The following PROX1 variants were observed in gnomAD, a reference collection of about 807,000 sequenced individuals.
PROX1 encodes the protein prospero homeobox protein 1.
A neutral mutation model predicts 58.8 loss-of-function variants in PROX1; 7 were observed. The observed-to-expected ratio is 0.12, with a 90% CI of 0.07 to 0.22. The LOEUF is 0.22. PROX1 is among the 10% of genes least tolerant of loss of function. PROX1 has a pLI of 1.00. For missense variants in PROX1, 675 were observed against 927.8 expected (o/e 0.73, Z 3.54); for synonymous variants, 350 against 358.3 (o/e 0.98, Z 0.26).
intron 1 of PROX1, chr1:213,989,871 C>G (rs1226508902): frequency 6.6e-6 from 1 of 152,274 alleles, no homozygotes; most frequent in African/African-American, 2.4e-5. Flanking sequence ...GAGAACAGAA[C>G]TAGAAGGAGG....
At chr1:213,989,107 C>CT (rs1480659110) in intron 1 of PROX1, among the ~76,000 whole-genome samples, 1 of 152,066 alleles carries the variant, frequency 6.6e-6, no homozygotes, top group Admixed American at 6.6e-5. Flanking sequence ...TTCACTTCTC[C>CT]TTTTTTAACC....
At chr1:214,032,168 C>G (rs1461651439) in intron 4 of PROX1, among the ~76,000 whole-genome samples, 1 of 152,150 alleles carries the variant, frequency 6.6e-6, no homozygotes, top group Non-Finnish European at 1.5e-5. Flanking sequence ...AGAGGCACAG[C>G]TTTTCAAGGT....
rs149291171 is a variant in PROX1, at chr1:214,017,584, G to A, written c.2028+5869G>A. On this transcript the variant is annotated intron_variant, in intron 4 of 4. Transcript: ENST00000366958. Reference sequence around the variant, plus strand: ...TCTCTCTTTAAAAAAAAAAAAAATCGTCCTTGTGTTTTGTGTATGGATGAG... The same window carrying A: ...TCTCTCTTTAAAAAAAAAAAAAATCATCCTTGTGTTTTGTGTATGGATGAG... Among the ~76,000 whole-genome samples, 1,047 of 148,632 alleles carry A rather than the reference G, an allele frequency of 7.0e-3. 16 individuals carry two copies. The highest frequency in any genetic ancestry group is 0.025 in the African/African-American group (992 of 40,084).
At chr1:214,002,405 C>CTTTTTTCTTTTTTTTTTTTTTTTTTT (rs1663551505) in intron 2 of PROX1, among the ~76,000 whole-genome samples, 1 of 121,536 alleles carries the variant, frequency 8.2e-6, no homozygotes, top group Non-Finnish European at 1.7e-5. Context: ...TTTTTTTTTT[C>CTTTTTTCTTTTTTTTTTTTTTTTTTT]TTTTTTCTTT....
chr1:214,025,999 C>A (rs1311442884), intron 4 of PROX1, among the ~76,000 whole-genome samples: 3 of 152,172 alleles, frequency 2.0e-5, no homozygotes, highest in Non-Finnish European at 2.9e-5. Context: ...CTTGGTCCAG[C>A]TCTTACCTGA....
intron 4 of PROX1, among the ~76,000 whole-genome samples, chr1:214,033,846 A>G (rs773487893): frequency 2.0e-5 from 3 of 152,186 alleles, no homozygotes; most frequent in Non-Finnish European, 4.4e-5. Context: ...CTCTCCTCCA[A>G]CAAATACTCA....
At chr1:214,032,238 C>T (rs1158177319) in intron 4 of PROX1, among the ~76,000 whole-genome samples, 1 of 152,148 alleles carries the variant, frequency 6.6e-6, no homozygotes, top group South Asian at 2.1e-4. Context: ...GAGCCAGCAT[C>T]GTTTAATGCA....
Position 214,031,066 on chromosome 1 carries a change from T to TGTGTGTGTGC in PROX1, c.2029-4582_2029-4581insTGTGTGTGCG, listed in dbSNP as rs1231686198. Among the ~76,000 whole-genome samples, 575 of 95,118 alleles carry TGTGTGTGTGC rather than the reference T, an allele frequency of 6.0e-3. 4 individuals carry two copies. Among genetic ancestry groups the TGTGTGTGTGC allele is most frequent in the African/African-American group, 0.017 (520 of 31,270 alleles). 62.4% of individuals were successfully genotyped at this position (95,118 alleles called of 152,430 possible). On this transcript the variant is annotated intron_variant, in intron 4 of 4. Transcript: ENST00000366958. Reference sequence around the variant, plus strand: ...GTGTGTGTGTGTGTGTGTGTGTGTGTGCGCGCGCGCGCATTCGCGCACGCA... The same window carrying TGTGTGTGTGC: ...GTGTGTGTGTGTGTGTGTGTGTGTGTGTGTGTGTGCGCGCGCGCGCGCATTCGCGCACGCA...
rs1663341347 is a variant in PROX1, at chr1:213,997,938, C to T, written c.1403C>T (p.Pro468Leu). The change falls in exon 2 of 5, where the codon CCT (proline) becomes CTT (leucine). Residue 468 changes from proline to leucine, a missense_variant. By Grantham distance (98) the Pro-to-Leu change is moderately conservative. Around this residue, in one of 8 missense-constraint regions of PROX1, gnomAD observed 403 missense variants for 477.4 expected, o/e 0.84. Coordinates refer to ENST00000366958, the MANE Select transcript of PROX1 (RefSeq NM_001270616.2). The surrounding 1 kb of genome is among the most constrained non-coding windows in gnomAD (Gnocchi z 7.1). ...CACCACCAGCCCCTGCACCAGTCGC[C>T]TCTCTCTGCCACCACGGGCTTCACC... Reference protein sequence around the residue: ...GGHHQPLHQSPLSATTGFTTS... With the variant: ...GGHHQPLHQSLLSATTGFTTS... The T allele has an allele frequency of 6.2e-7, 1 of 1,613,810 alleles. No homozygotes were observed. Among genetic ancestry groups the T allele is most frequent in the Non-Finnish European group, 8.5e-7 (1 of 1,179,906 alleles).
intron 4 of PROX1, among the ~76,000 whole-genome samples, chr1:214,019,123 G>A (rs957254028): frequency 2.0e-5 from 3 of 152,172 alleles, no homozygotes; most frequent in Non-Finnish European, 4.4e-5. Context: ...GCCACTGGCA[G>A]GTGACAAGGC....
intron 4 of PROX1, chr1:214,029,302 T>A (rs1265659684): frequency 6.6e-6 from 1 of 152,198 alleles, no homozygotes; most frequent in Non-Finnish European, 1.5e-5. Context: ...GAAAAATACC[T>A]CGCTATGTAT....
chr1:213,997,117 C>G lies in PROX1; in HGVS notation c.582C>G (p.Ala194=). ...LRGNENEREM[A]PQSVSPRESY... ...GCAATGAAAATGAAAGAGAGATGGC[C>G]CCGCAGTCTGTGAGTCCCCGAGAAA... The change falls in exon 2 of 5, where the codon GCC becomes GCG. Residue 194 remains alanine (A), a synonymous_variant. Coordinates refer to ENST00000366958, the MANE Select transcript of PROX1 (RefSeq NM_001270616.2). This position sits in a 1 kb window ranked among gnomAD's most constrained non-coding sequence, Gnocchi z 7.1. The G allele has an allele frequency of 6.2e-7, 1 of 1,613,664 alleles. No homozygotes were observed. The highest frequency in any genetic ancestry group is 8.5e-7 in the Non-Finnish European group (1 of 1,179,870).
At chr1:214,023,578 GT>G (rs1255049833) in intron 4 of PROX1, among the ~76,000 whole-genome samples, 1 of 152,100 alleles carries the variant, frequency 6.6e-6, no homozygotes, top group Non-Finnish European at 1.5e-5. Context: ...ACTTGGTAGT[GT>G]TTGCAAAAGC....
chr1:214,003,554 A>T (rs1454115055), intron 2 of PROX1, among the ~76,000 whole-genome samples: 1 of 152,242 alleles, frequency 6.6e-6, no homozygotes, highest in African/African-American at 2.4e-5. Context: ...GATCTCAAAC[A>T]AAAACACAAG....
chr1:214,010,409 T>G (rs1419629278), intron 3 of PROX1, among the ~76,000 whole-genome samples: 1 of 152,202 alleles, frequency 6.6e-6, no homozygotes, highest in Non-Finnish European at 1.5e-5. Flanking sequence ...AATACACACT[T>G]TAGCTGTCAT....
Position 214,038,647 on chromosome 1 carries a change from G to A in PROX1, c.*2813G>A, listed in dbSNP as rs1409245828. On this transcript the variant is annotated 3_prime_UTR_variant, in exon 5 of 5. Transcript: ENST00000366958. Reference sequence around the variant, plus strand: ...CCTAGACCTAAAATGCACCAGCGGGGGGGATTTTAAAAAATCCTTCAAAAT... The same window carrying A: ...CCTAGACCTAAAATGCACCAGCGGGAGGGATTTTAAAAAATCCTTCAAAAT... 6.6e-6 allele frequency: 1 copy of A among 152,118 alleles called. No homozygotes were observed. Among genetic ancestry groups the A allele is most frequent in the Non-Finnish European group, 1.5e-5 (1 of 68,004 alleles). The allele number at this position is 152,118 out of a possible 1,614,324, so 9.4% of individuals were successfully genotyped here. A position where few individuals can be genotyped will look rare whatever the true frequency, so the allele number is the denominator to read the frequency against.
rs563315328 is a variant in PROX1 at position 214,024,728 on chromosome 1, G to A, written c.2029-10921G>A. Among the ~76,000 whole-genome samples, 4 of 152,256 alleles carry A rather than the reference G, an allele frequency of 2.6e-5. No homozygotes were observed. The East Asian group carries it at 7.7e-4, about 29-fold the overall frequency. On this transcript the variant is annotated intron_variant, in intron 4 of 4. Transcript: ENST00000366958. Reference sequence around the variant, plus strand: ...TAAAGCTGTGGCAGAAAACAATCACGTAATACATTCTCGAACGAAACAGGA... The same window carrying A: ...TAAAGCTGTGGCAGAAAACAATCACATAATACATTCTCGAACGAAACAGGA...
chr1:214,017,651 CA>C (rs960022085), intron 4 of PROX1, among the ~76,000 whole-genome samples: 1 of 151,744 alleles, frequency 6.6e-6, no homozygotes. Flanking sequence ...GGCGCACACA[CA>C]AAAAAATCTT....
At chr1:213,994,925 A>G (rs1158047413) in intron 1 of PROX1, among the ~76,000 whole-genome samples, 1 of 151,510 alleles carries the variant, frequency 6.6e-6, no homozygotes, top group African/African-American at 2.4e-5. Context: ...AAAAATATAC[A>G]TATTGTTGCC....
Sources: allele counts gnomAD v4.1 joint callset (sites outside exome capture counted in the v4.1 genomes callset), GRCh38; gene constraint gnomAD v4.1.1; regional missense constraint gnomAD v4.1.1; non-coding constraint Gnocchi (gnomAD v3.1); transcripts MANE v1.5; gene names NCBI Gene and HGNC (gene_info 2026-07-23, HGNC 2026-07-21).